FBXO41: variants seen among roughly 807,000 people sequenced by gnomAD.
FBXO41 encodes F-box only protein 41.
FBXO41 carries 33 observed loss-of-function variants against 81.6 expected under a neutral mutation model. The observed-to-expected ratio is 0.40, with a 90% confidence interval of 0.31 to 0.54. The LOEUF (loss-of-function observed/expected upper bound fraction) is 0.54. Among genes scored for constraint, FBXO41 ranks in the 20% least tolerant of loss-of-function variants. FBXO41 has a pLI of 0.39. For synonymous variants in FBXO41, 576 were observed against 552.7 expected (o/e 1.04, Z -0.59); for missense variants, 1,107 against 1,236.0 (o/e 0.90, Z 1.56).
In FBXO41 at chr2:73,268,935, G is replaced by T; in HGVS notation, c.696C>A (p.Gly232=). 1 of 1,540,146 alleles carries T rather than the reference G, an allele frequency of 6.5e-7. No individual in the cohort carries two copies. Among genetic ancestry groups the T allele is most frequent in the Non-Finnish European group, 8.7e-7 (1 of 1,146,226 alleles). ...LSEEVEQKIA[G]QVGRLQAELE... is the part of the protein sequence containing the mutation. ...GCTCGGCCTGCAGCCGGCCCACCTG[G>T]CCCGCGATCTTCTGCTCCACCTCCT... Residue 232 remains glycine, a synonymous_variant, in exon 2 of 13, where the codon GGC becomes GGA. Coordinates refer to ENST00000520530, the MANE Select transcript of FBXO41 (RefSeq NM_001371389.2).
chr2:73,269,109 G>A lies in FBXO41; in HGVS notation c.522C>T (p.Gly174=). The stretch of plus-strand genomic sequence containing the variant: ...GCCCGGGGCAAGGGCCGGGGCCGGG[G>A]CCAGGCGGCGGCGTCGAGCACGCCG... ...ASSACSTPPP[G]PGPGPCPGPA... The change falls in exon 2 of 13, where the codon GGC becomes GGT. Residue 174 remains glycine, a synonymous_variant. Coordinates refer to ENST00000520530, the MANE Select transcript of FBXO41 (RefSeq NM_001371389.2). This position sits in a 1 kb window ranked among gnomAD's most constrained non-coding sequence, Gnocchi z 7.0. 6.6e-7 allele frequency: 1 copy of A among 1,508,428 alleles called. No individual in the cohort carries two copies. The allele number at this position is 1,508,428 out of a possible 1,614,324, so 93.4% of individuals were successfully genotyped here.
At chr2:73,268,446 G>A (rs1381871960) in intron 2 of FBXO41, among the ~76,000 whole-genome samples, 2 of 152,170 alleles carry the variant, frequency 1.3e-5, no homozygotes, top group Non-Finnish European at 2.9e-5. Flanking sequence ...CTAGGCAAAA[G>A]AGAAGAGGAT....
chr2:73,279,332 A>C (rs1688784361), intron 1 of FBXO41, among the ~76,000 whole-genome samples: 1 of 152,182 alleles, frequency 6.6e-6, no homozygotes, highest in African/African-American at 2.4e-5. Context: ...GTGGAAGTAG[A>C]GATATTCAGT....
chr2:73,263,869 T>C, intron 7 of FBXO41, 39 bp from the exon 8 acceptor site: 5 of 1,613,988 alleles, frequency 3.1e-6, no homozygotes, highest in Non-Finnish European at 4.2e-6. Flanking sequence ...GGCAACCTCC[T>C]CCTCTGGGAA....
chr2:73,262,661 A>G (rs1688060269), intron 9 of FBXO41, among the ~76,000 whole-genome samples: 1 of 152,276 alleles, frequency 6.6e-6, no homozygotes, highest in South Asian at 2.1e-4. Context: ...GCAGTTTGAG[A>G]AACTAAGACA....
intron 2 of FBXO41, among the ~76,000 whole-genome samples, chr2:73,268,239 G>A (rs898628251): frequency 6.6e-6 from 1 of 152,084 alleles, no homozygotes; most frequent in Non-Finnish European, 1.5e-5. Context: ...GAGAAAGTGA[G>A]GAAAGAAATT....
Position 73,260,868 on chromosome 2 carries a change from G to A in FBXO41, c.2172-10C>T, listed in dbSNP as rs1173378693. Reference sequence around the variant, plus strand: ...GCGTGTGGGCTGCTGGCTGGAGAATGGGAAGGGGGAGCCGTCAGGGAAGTC... The same window carrying A: ...GCGTGTGGGCTGCTGGCTGGAGAATAGGAAGGGGGAGCCGTCAGGGAAGTC... On this transcript the variant is annotated splice_polypyrimidine_tract_variant and intron_variant, in intron 9 of 12. Coordinates refer to ENST00000520530, the MANE Select transcript of FBXO41 (RefSeq NM_001371389.2). The surrounding 1 kb of genome is among the most constrained non-coding windows in gnomAD (Gnocchi z 5.0). 2 of 1,550,018 alleles carry A rather than the reference G, an allele frequency of 1.3e-6. No homozygotes were observed. The highest frequency in any genetic ancestry group is 2.4e-5 in the East Asian group (1 of 41,432).
In FBXO41 at chr2:73,266,883, C is replaced by T; in HGVS notation, c.906-201G>A. On this transcript the variant is annotated intron_variant, in intron 2 of 12. Coordinates refer to ENST00000520530, the MANE Select transcript of FBXO41 (RefSeq NM_001371389.2). The surrounding 1 kb of genome is among the most constrained non-coding windows in gnomAD (Gnocchi z 5.3). ...CAGAAATGCATGCATGCACTCCGAGCCACACACTCACACCCCACCCACCTG... is the reference window on the plus strand; with the variant it reads ...CAGAAATGCATGCATGCACTCCGAGTCACACACTCACACCCCACCCACCTG... The T allele has an allele frequency of 1.3e-6, 1 of 759,600 alleles. No homozygotes were observed. Among genetic ancestry groups the T allele is most frequent in the Non-Finnish European group, 1.9e-6 (1 of 528,028 alleles). 47.1% of individuals were successfully genotyped at this position (759,600 alleles called of 1,614,324 possible). A position where few individuals can be genotyped will look rare whatever the true frequency, so the allele number is the denominator to read the frequency against.
At position 73,269,004 on chromosome 2, in the gene FBXO41, C is replaced by A. The variant is rs1351761934; in HGVS notation, c.627G>T (p.Ala209=). 6.5e-7 allele frequency: 1 copy of A among 1,538,714 alleles called. No individual in the cohort carries two copies. The highest frequency in any genetic ancestry group is 1.4e-5 in the African/African-American group (1 of 73,142). The change falls in exon 2 of 13, where the codon GCG becomes GCT. Residue 209 remains alanine (A), a synonymous_variant. Coordinates refer to ENST00000520530, the MANE Select transcript of FBXO41 (RefSeq NM_001371389.2). The surrounding 1 kb of genome is among the most constrained non-coding windows in gnomAD (Gnocchi z 7.0). ...GCCGGTCCACCTCCAGCTTCTCCAG[C>A]GCGCGGATCTTGAGGCGCGCCAGGC... ...EEGLARLKIR[A]LEKLEVDRRL... is the part of the protein sequence containing the mutation.
Position 73,260,349 on chromosome 2 carries a change from G to C in FBXO41, c.2449+40C>G. On this transcript the variant is annotated intron_variant, in intron 11 of 12. Transcript: ENST00000520530. The surrounding 1 kb of genome is among the most constrained non-coding windows in gnomAD (Gnocchi z 5.0). ...ACCTGCTGACAGGGCCCCGTGGCAG[G>C]TGATAGTCGTACCCTGCCCCTCATT... is the stretch of plus-strand genomic sequence containing the variant. The C allele has an allele frequency of 1.3e-6, 2 of 1,593,800 alleles. No homozygotes were observed. The highest frequency in any genetic ancestry group is 2.3e-5 in the East Asian group (1 of 44,040).
intron 1 of FBXO41, among the ~76,000 whole-genome samples, chr2:73,273,726 C>T (rs1370023533): frequency 1.3e-5 from 2 of 152,204 alleles, no homozygotes; most frequent in African/African-American, 4.8e-5. Context: ...CCAGATGTGC[C>T]TGAAGCTCTA....
At chr2:73,280,319 TA>T (rs1410072960) in intron 1 of FBXO41, among the ~76,000 whole-genome samples, 4 of 152,278 alleles carry the variant, frequency 2.6e-5, no homozygotes, top group African/African-American at 9.6e-5. Context: ...CTGGAGTCTA[TA>T]AATCTCCCAG....
At chr2:73,265,818 CA>C (rs1688242418) in intron 4 of FBXO41, 74 bp downstream of exon 4, 2 of 1,510,320 alleles carry the variant, frequency 1.3e-6, no homozygotes, top group East Asian at 5.0e-5. Flanking sequence ...GAGGGTGACA[CA>C]AGCCCCAGAC....
chr2:73,270,108 A>G (rs546226399), intron 1 of FBXO41, among the ~76,000 whole-genome samples: 50 of 152,324 alleles, frequency 3.3e-4, no homozygotes, highest in Non-Finnish European at 5.3e-4. Flanking sequence ...AAAAGAAACT[A>G]TTGGTACACA....
chr2:73,273,797 C>T (rs753087571), intron 1 of FBXO41, among the ~76,000 whole-genome samples: 6 of 152,162 alleles, frequency 3.9e-5, no homozygotes, highest in African/African-American at 9.7e-5. Flanking sequence ...TCATTTGGGT[C>T]GGTTGCCAGT....
chr2:73,283,023 G>A (rs1294463606), intron 1 of FBXO41, among the ~76,000 whole-genome samples: 3 of 152,178 alleles, frequency 2.0e-5, no homozygotes, highest in African/African-American at 7.2e-5. Flanking sequence ...TTACAGAAAT[G>A]GGGAAGGAAG....
In FBXO41 at chr2:73,263,668, G is replaced by T. The variant is rs759671381; in HGVS notation, c.2075+10C>A. The stretch of plus-strand genomic sequence containing the variant: ...AGGGAACAGGCCATGCTTCTAGTCG[G>T]TTGACCCACCTGTACGTGACAGCCT... On this transcript the variant is annotated intron_variant, in intron 8 of 12. Coordinates refer to ENST00000520530, the MANE Select transcript of FBXO41 (RefSeq NM_001371389.2). The T allele has an allele frequency of 6.2e-7, 1 of 1,612,764 alleles. No homozygotes were observed. The highest frequency in any genetic ancestry group is 8.5e-7 in the Non-Finnish European group (1 of 1,179,846).
Position 73,265,460 on chromosome 2 carries a change from C to T in FBXO41, c.1386G>A (p.Leu462=). The T allele has an allele frequency of 6.2e-7, 1 of 1,605,620 alleles. No individual in the cohort carries two copies. Residue 462 remains leucine, a synonymous_variant, in exon 5 of 13, where the codon CTG becomes CTA. Transcript: ENST00000520530. The part of the protein sequence containing the change: ...ERSQPPRSSG[L]RRQAIQNWQR... Reference sequence around the variant, plus strand: ...GCCAGTTCTGGATGGCCTGGCGCCGCAGGCCTGAGCTGCGAGGGGGCTGGG... The same window carrying T: ...GCCAGTTCTGGATGGCCTGGCGCCGTAGGCCTGAGCTGCGAGGGGGCTGGG...
At position 73,269,353 on chromosome 2, in the gene FBXO41, T is replaced by C. The variant is rs1307947324; in HGVS notation, c.278A>G (p.Glu93Gly). 1.3e-6 allele frequency: 2 copies of C among 1,512,632 alleles called. No individual in the cohort carries two copies. The highest frequency in any genetic ancestry group is 2.4e-5 in the South Asian group (2 of 81,692). 93.7% of individuals were successfully genotyped at this position (1,512,632 alleles called of 1,614,324 possible). ...CGCGGGCGACGGCCCGGCCGCCTGCTCCTTGCCCTGGAAGGAAGTGCTCTC... is the reference window on the plus strand; with the variant it reads ...CGCGGGCGACGGCCCGGCCGCCTGCCCCTTGCCCTGGAAGGAAGTGCTCTC... ...VFESTSFQGK[E>G]QAAGPSPAAP... Residue 93 changes from glutamate to glycine, a missense_variant, in exon 2 of 13, where the codon GAG becomes GGG. Coordinates refer to ENST00000520530, the MANE Select transcript of FBXO41 (RefSeq NM_001371389.2). This position sits in a 1 kb window ranked among gnomAD's most constrained non-coding sequence, Gnocchi z 7.0.
Sources: gnomAD v4.1 joint callset for allele counts (sites outside exome capture counted in the v4.1 genomes callset) on GRCh38, gnomAD v4.1.1 for gene constraint, Gnocchi (gnomAD v3.1) non-coding constraint, MANE v1.5 for transcripts, NCBI Gene and HGNC (gene_info 2026-07-23, HGNC 2026-07-21) for gene names.